Variants in MRPL49 observed in about 807,000 individuals in gnomAD.
MRPL49 encodes mitochondrial ribosomal protein L49, also known as large ribosomal subunit protein mL49.
Under a neutral mutation model 18.4 loss-of-function variants are expected in MRPL49, and 14 were observed. The observed-to-expected ratio is 0.76, with a 90% CI of 0.50 to 1.19. MRPL49 has a LOEUF of 1.19. MRPL49 is among the 50% of genes most tolerant of loss of function. The probability of loss-of-function intolerance (pLI) is 0.00; values close to 1 mark genes in which losing one functional copy is unlikely to be tolerated. For synonymous variants in MRPL49, 104 were observed against 86.2 expected, an observed-to-expected ratio of 1.21 and a Z score of -1.14; for missense variants, 190 against 217.8, an observed-to-expected ratio of 0.87 and a Z score of 0.80.
intron 2 of MRPL49, 85 bp from the exon 3 acceptor site, chr11:65,125,403 C>A: frequency 6.3e-7 from 1 of 1,579,220 alleles, no homozygotes. Flanking sequence ...TGCACTGGCC[C>A]TCTGCAGACT....
At position 65,126,923 on chromosome 11, in the gene MRPL49, C is replaced by T. The variant is rs1948108548; in HGVS notation, c.*1051C>T. ...GGCAGGAATATGCTGACCTTTCACC[C>T]TGCCATCCCATCCCAACCCCAGCTC... is the stretch of plus-strand genomic sequence containing the variant. On this transcript the variant is annotated 3_prime_UTR_variant, in exon 4 of 4. Transcript: ENST00000279242. The T allele has an allele frequency of 1.5e-6, 1 of 651,842 alleles. No homozygotes were observed. Among genetic ancestry groups the T allele is most frequent in the East Asian group, 2.8e-5 (1 of 36,192 alleles). The allele number at this position is 651,842 out of a possible 1,614,324, so 40.4% of individuals were successfully genotyped here. A position where few individuals can be genotyped will look rare whatever the true frequency, so the allele number is the denominator to read the frequency against.
In MRPL49 at chr11:65,122,399, A is replaced by AG; in HGVS notation, c.54dup (p.Arg19AlafsTer26). The stretch of plus-strand genomic sequence containing the variant: ...CTGCGGGGATGGAGAACCGGTGTCC[A>AG]GCGGGGCTGCGGGCTACGGCTGTTG... On this transcript the variant is annotated frameshift_variant, in exon 1 of 4. Transcript: ENST00000279242. LOFTEE classifies it high-confidence loss of function. 6.2e-7 allele frequency: 1 copy of AG among 1,613,202 alleles called. No homozygotes were observed. The highest frequency in any genetic ancestry group is 8.5e-7 in the Non-Finnish European group (1 of 1,179,660).
rs759045972 is a variant in MRPL49 at position 65,125,919 on chromosome 11, C to T, written c.*47C>T. On this transcript the variant is annotated 3_prime_UTR_variant, in exon 4 of 4. Transcript: ENST00000279242. ...TGTCAGCATGCCCTGTGGATCAAGT[C>T]TAGGGGGCCTCAGGAGGAGGGAGGT... 4 of 1,557,548 alleles carry T rather than the reference C, an allele frequency of 2.6e-6. No individual in the cohort carries two copies. Among genetic ancestry groups the T allele is most frequent in the Non-Finnish European group, 3.5e-6 (4 of 1,150,594 alleles).
At position 65,126,072 on chromosome 11, in the gene MRPL49, A is replaced by T; in HGVS notation, c.*200A>T. 2 of 536,442 alleles carry T rather than the reference A, an allele frequency of 3.7e-6. No homozygotes were observed. Among genetic ancestry groups the T allele is most frequent in the East Asian group, 6.5e-5 (2 of 30,704 alleles). The allele number at this position is 536,442 out of a possible 1,614,324, so 33.2% of individuals were successfully genotyped here. On this transcript the variant is annotated 3_prime_UTR_variant, in exon 4 of 4. Coordinates refer to ENST00000279242, the MANE Select transcript of MRPL49 (RefSeq NM_004927.4). ...TGGGGGAGAGTGCCTAATGTGGGAGACCAAATAGGGATCACCAGGCTAATG... is the reference window on the plus strand; with the variant it reads ...TGGGGGAGAGTGCCTAATGTGGGAGTCCAAATAGGGATCACCAGGCTAATG...
In MRPL49 at chr11:65,127,016, C is replaced by G. The variant is rs1235789431; in HGVS notation, c.*1144C>G. 1 of 701,214 alleles carries G rather than the reference C, an allele frequency of 1.4e-6. No homozygotes were observed. The highest frequency in any genetic ancestry group is 2.6e-6 in the Non-Finnish European group (1 of 384,430). The allele number at this position is 701,214 out of a possible 1,614,324, so 43.4% of individuals were successfully genotyped here. The stretch of plus-strand genomic sequence containing the variant: ...AAAGGCCTGAGACCCCACCCTGCCC[C>G]CAAACTGGCTAAGACAGCTTTCAGT... On this transcript the variant is annotated 3_prime_UTR_variant, in exon 4 of 4. Coordinates refer to ENST00000279242, the MANE Select transcript of MRPL49 (RefSeq NM_004927.4).
At chr11:65,123,966 C>A (rs550139105) in intron 1 of MRPL49, among the ~76,000 whole-genome samples, 1 of 152,184 alleles carries the variant, frequency 6.6e-6, no homozygotes, top group Admixed American at 6.5e-5. Context: ...TAGCTCACTG[C>A]AACCTCCACC....
rs1378771956 is a variant in MRPL49, at chr11:65,127,051, C to G, written c.*1179C>G. 1 of 702,442 alleles carries G rather than the reference C, an allele frequency of 1.4e-6. No individual in the cohort carries two copies. The highest frequency in any genetic ancestry group is 2.7e-5 in the East Asian group (1 of 37,270). The allele number at this position is 702,442 out of a possible 1,614,324, so 43.5% of individuals were successfully genotyped here. On this transcript the variant is annotated 3_prime_UTR_variant, in exon 4 of 4. Transcript: ENST00000279242. ...TAAGACAGCTTTCAGTTCCTGACTC[C>G]CCAACTTGGTCTCTGCCCTGAAGCA...
intron 1 of MRPL49, among the ~76,000 whole-genome samples, chr11:65,123,018 T>C (rs912044776): frequency 2.6e-5 from 4 of 152,208 alleles, no homozygotes; most frequent in African/African-American, 9.6e-5. Flanking sequence ...CGAACCCGTC[T>C]GATTGCCTTA....
Position 65,122,365 on chromosome 11 carries a change from C to G in MRPL49, c.19C>G (p.Arg7Gly). 6.2e-7 allele frequency: 1 copy of G among 1,613,048 alleles called. No homozygotes were observed. Among genetic ancestry groups the G allele is most frequent in the South Asian group, 1.1e-5 (1 of 90,954 alleles). Residue 7 changes from arginine to glycine, a missense_variant, in exon 1 of 4, where the codon CGG becomes GGG. Physicochemically the swap from Arg to Gly is moderately radical, Grantham distance 125 (BLOSUM62 -2). Coordinates refer to ENST00000279242, the MANE Select transcript of MRPL49 (RefSeq NM_004927.4). MAATMF[R>G]ATLRGWRTGV... is the part of the protein sequence containing the mutation. ...GGTAAAGATGGCAGCTACCATGTTC[C>G]GGGCTACGCTGCGGGGATGGAGAAC...
intron 1 of MRPL49, among the ~76,000 whole-genome samples, chr11:65,123,352 A>G (rs1244432779): frequency 6.6e-6 from 1 of 152,232 alleles, no homozygotes. Flanking sequence ...GTCAACCTAA[A>G]TAACAGACTC....
intron 1 of MRPL49, 173 bp downstream of exon 1, chr11:65,122,597 T>G (rs929074555): frequency 1.6e-6 from 1 of 620,826 alleles, no homozygotes; most frequent in Non-Finnish European, 2.8e-6. Context: ...AATGGTAGAC[T>G]GGGGTGCTCT....
chr11:65,123,009 G>A (rs1948068440), intron 1 of MRPL49, among the ~76,000 whole-genome samples: 1 of 152,096 alleles, frequency 6.6e-6, no homozygotes, highest in Non-Finnish European at 1.5e-5. Flanking sequence ...ATGAGCCGCC[G>A]AACCCGTCTG....
chr11:65,123,882 ATTTGTTTTGT>A (rs755873128), intron 1 of MRPL49, among the ~76,000 whole-genome samples: 2 of 151,912 alleles, frequency 1.3e-5, no homozygotes, highest in Non-Finnish European at 2.9e-5. Flanking sequence ...CCATGCAGGA[ATTTGTTTTGT>A]TTTGTTTTGT....
At chr11:65,122,569 T>C (rs1948062558) in intron 1 of MRPL49, 145 bp downstream of exon 1, 1 of 713,166 alleles carries the variant, frequency 1.4e-6, no homozygotes, top group East Asian at 2.8e-5. Context: ...CGAGTGTACA[T>C]ATAGAATCGA....
intron 1 of MRPL49, 144 bp downstream of exon 1, chr11:65,122,568 A>G (rs1284692831): frequency 4.2e-6 from 3 of 719,308 alleles, no homozygotes; most frequent in Non-Finnish European, 6.8e-6. Flanking sequence ...CCGAGTGTAC[A>G]TATAGAATCG....
Position 65,122,403 on chromosome 11 carries a change from G to T in MRPL49, c.57G>T (p.Arg19=). The T allele has an allele frequency of 6.2e-7, 1 of 1,613,030 alleles. No individual in the cohort carries two copies. The highest frequency in any genetic ancestry group is 2.2e-5 in the East Asian group (1 of 44,858). The change falls in exon 1 of 4, where the codon CGG becomes CGT. Residue 19 remains arginine (R), a synonymous_variant. Coordinates refer to ENST00000279242, the MANE Select transcript of MRPL49 (RefSeq NM_004927.4). ...TLRGWRTGVQ[R]GCGLRLLSQT... ...GGGGATGGAGAACCGGTGTCCAGCG[G>T]GGCTGCGGGCTACGGCTGTTGGTGA...
At chr11:65,122,277 C>G (rs1241950925), upstream of MRPL49, 5 of 1,553,780 alleles carry the variant, frequency 3.2e-6, no homozygotes, top group East Asian at 7.0e-5. Flanking sequence ...CCTGCCTGGG[C>G]AGGCAGCTCG....
chr11:65,123,579 C>A (rs1565335741), intron 1 of MRPL49, among the ~76,000 whole-genome samples: 1 of 151,998 alleles, frequency 6.6e-6, no homozygotes, highest in Non-Finnish European at 1.5e-5. Flanking sequence ...AGAAAAAATA[C>A]AAAAATTAGC....
chr11:65,122,615 C>G, intron 1 of MRPL49, 191 bp downstream of exon 1: 1 of 590,812 alleles, frequency 1.7e-6, no homozygotes, highest in East Asian at 2.9e-5. Flanking sequence ...TCTTTGGGAG[C>G]ACTTAACACA....
Sources: allele counts gnomAD v4.1 joint callset (sites outside exome capture counted in the v4.1 genomes callset), GRCh38; gene constraint gnomAD v4.1.1; transcripts MANE v1.5; gene names NCBI Gene and HGNC (gene_info 2026-07-23, HGNC 2026-07-21).